The following TET2 variants were observed in gnomAD, a reference collection of about 807,000 sequenced individuals.
TET2 encodes methylcytosine dioxygenase TET2.
In TET2, 299 loss-of-function variants were observed where a neutral mutation model predicts 142.9. That is an observed-to-expected ratio of 2.09 (90% CI 1.90 to 2.30). The LOEUF (loss-of-function observed/expected upper bound fraction) is 2.30. Among genes scored for constraint, TET2 ranks in the 30% most tolerant of loss-of-function variants. The pLI, the probability that TET2 is intolerant of heterozygous loss-of-function variation, is 0.00. For missense variants in TET2, 2,418 were observed against 2,378.0 expected, an observed-to-expected ratio of 1.02 and a Z score of -0.35; for synonymous variants, 819 against 849.0, an observed-to-expected ratio of 0.96 and a Z score of 0.61.
At chr4:105,157,348 C>T (rs1412973693) in intron 1 of TET2, among the ~76,000 whole-genome samples, 1 of 151,974 alleles carries the variant, frequency 6.6e-6, no homozygotes, top group Non-Finnish European at 1.5e-5. Flanking sequence ...TATTTTAGTA[C>T]AAACAGATAC....
In TET2 at chr4:105,243,757, G is replaced by C. The variant is rs771761785; in HGVS notation, c.3782G>C (p.Arg1261Pro). 2.6e-6 allele frequency: 4 copies of C among 1,551,394 alleles called. No individual in the cohort carries two copies. Among genetic ancestry groups the C allele is most frequent in the Non-Finnish European group, 2.6e-6 (3 of 1,146,852 alleles). The change falls in exon 6 of 11, where the codon CGC becomes CCC. Residue 1261 changes from arginine (R) to proline (P), a missense_variant. Coordinates refer to ENST00000380013, the MANE Select transcript of TET2 (RefSeq NM_001127208.3). Reference sequence around the variant, plus strand: ...AGGAAATACGGCACGCTCACCAATCGCCGGTGTGCCTTGAATGAAGAGTAA... The same window carrying C: ...AGGAAATACGGCACGCTCACCAATCCCCGGTGTGCCTTGAATGAAGAGTAA... Reference protein sequence around the residue: ...TLRKYGTLTNRRCALNEERTC... With the variant: ...TLRKYGTLTNPRCALNEERTC...
In TET2 at chr4:105,234,802, A is replaced by G; in HGVS notation, c.860A>G (p.Lys287Arg). 6.2e-7 allele frequency: 1 copy of G among 1,613,916 alleles called. No individual in the cohort carries two copies. The highest frequency in any genetic ancestry group is 8.5e-7 in the Non-Finnish European group (1 of 1,179,942). Residue 287 changes from lysine (K) to arginine (R), a missense_variant, in exon 3 of 11, where the codon AAG becomes AGG. Transcript: ENST00000380013. ...AQTSNSELPP[K>R]PAAVVSEACD... ...ACCTCTAACTCTGAGCTGCCTCCAA[A>G]GCCAGCTGCAGTGGTGAGTGAGGCC...
intron 2 of TET2, among the ~76,000 whole-genome samples, chr4:105,227,066 G>A (rs187512611): frequency 1.3e-5 from 2 of 152,130 alleles, no homozygotes; most frequent in Non-Finnish European, 2.9e-5. Context: ...CAGTTCTCAA[G>A]AGCACATTGT....
intron 1 of TET2, among the ~76,000 whole-genome samples, chr4:105,155,484 A>G (rs1441858278): frequency 6.6e-6 from 1 of 152,278 alleles, no homozygotes; most frequent in Non-Finnish European, 1.5e-5. Flanking sequence ...AAATGAGTGC[A>G]GATTTTTAAC....
At chr4:105,203,745 T>G (rs1016576181) in intron 2 of TET2, among the ~76,000 whole-genome samples, 1 of 152,212 alleles carries the variant, frequency 6.6e-6, no homozygotes, top group Non-Finnish European at 1.5e-5. Context: ...GGGCCGTTAT[T>G]AACAACCTTG....
chr4:105,163,835 G>GT (rs1241374652), intron 1 of TET2, among the ~76,000 whole-genome samples: 18 of 142,056 alleles, frequency 1.3e-4, no homozygotes, highest in African/African-American at 4.6e-4. Flanking sequence ...GAGAGAGAGA[G>GT]AGAGAGAGAG....
At chr4:105,226,633 CCCTCCCTCTT>C (rs1005057695) in intron 2 of TET2, among the ~76,000 whole-genome samples, 66 of 151,472 alleles carry the variant, frequency 4.4e-4, no homozygotes, top group South Asian at 3.6e-3. Context: ...CTCTGTCCTT[CCCTCCCTCTT>C]CCTCCCTCTT....
Position 105,239,338 on chromosome 4 carries a change from A to G in TET2, c.3409+1987A>G, listed in dbSNP as rs59479204. The G allele has an allele frequency of 9.5e-3, 2,277 of 240,068 alleles. 50 individuals are homozygous for G. The highest frequency in any genetic ancestry group is 0.045 in the African/African-American group (2,026 of 45,044). The allele number at this position is 240,068 out of a possible 1,614,324, so 14.9% of individuals were successfully genotyped here. ...TGAAGCAAGGCATTGACTTCTATCT[A>G]TGAAAGTCTTAGATGGCACCTTGTT... On this transcript the variant is annotated intron_variant, in intron 3 of 10. Transcript: ENST00000380013.
chr4:105,273,377 T>G (rs912235599), intron 10 of TET2, among the ~76,000 whole-genome samples: 1 of 152,206 alleles, frequency 6.6e-6, no homozygotes, highest in Admixed American at 6.5e-5. Context: ...AGCAACTTTT[T>G]TTAACAGGTA....
At chr4:105,244,588 T>TG (rs1463928291) in intron 6 of TET2, among the ~76,000 whole-genome samples, 1 of 64,092 alleles carries the variant, frequency 1.6e-5, no homozygotes, top group Non-Finnish European at 4.1e-5. Context: ...ACAGAAATGT[T>TG]TTTTTTTTTT....
intron 1 of TET2, among the ~76,000 whole-genome samples, chr4:105,187,301 C>T (rs185527438): frequency 2.6e-5 from 4 of 152,230 alleles, no homozygotes; most frequent in African/African-American, 9.6e-5. Context: ...ACTCCTCTGC[C>T]TTCCTCAGTA....
At chr4:105,148,311 A>G (rs1010241431) in intron 1 of TET2, among the ~76,000 whole-genome samples, 3 of 152,184 alleles carry the variant, frequency 2.0e-5, no homozygotes, top group African/African-American at 7.2e-5. Context: ...AATGTTTAAG[A>G]ATTGAGAAAA....
chr4:105,275,894 A>G lies in TET2; in HGVS notation c.5384A>G (p.Asn1795Ser). The change falls in exon 11 of 11, where the codon AAT becomes AGT. Residue 1795 changes from asparagine to serine, a missense_variant. By Grantham distance (46) the Asn-to-Ser change is conservative (BLOSUM62 1). Transcript: ENST00000380013. ...AATGACATGCTTTCCCACACAGCTA[A>G]TGGGTTATCAAAGATGCTTCCAGCT... Reference protein sequence around the residue: ...KENDMLSHTANGLSKMLPALN... With the variant: ...KENDMLSHTASGLSKMLPALN... 1 of 1,552,048 alleles carries G rather than the reference A, an allele frequency of 6.4e-7. No homozygotes were observed. Among genetic ancestry groups the G allele is most frequent in the Non-Finnish European group, 8.7e-7 (1 of 1,147,036 alleles).
At chr4:105,190,581 AAACTTC>A (rs1254970662) in intron 2 of TET2, 76 bp downstream of exon 2, 45 of 672,910 alleles carry the variant, frequency 6.7e-5, no homozygotes, top group Middle Eastern at 2.6e-4. Context: ...TCTCTCTCCC[AAACTTC>A]AACTTCAAGT....
At position 105,155,001 on chromosome 4, in the gene TET2, G is replaced by A. The variant is rs1308324266; in HGVS notation, c.-193+8022G>A. Among the ~76,000 whole-genome samples, 4 of 151,928 alleles carry A rather than the reference G, an allele frequency of 2.6e-5. No homozygotes were observed. In the East Asian group the frequency reaches 7.7e-4, roughly 29 times the overall value. ...GTTGGTGCCCCCACACTTCAGCCTG[G>A]GTGACAAAATGAGACCCTCTCTCTC... On this transcript the variant is annotated intron_variant, in intron 1 of 10. Coordinates refer to ENST00000380013, the MANE Select transcript of TET2 (RefSeq NM_001127208.3).
chr4:105,253,822 A>G (rs950258266), intron 6 of TET2, among the ~76,000 whole-genome samples: 2 of 152,118 alleles, frequency 1.3e-5, no homozygotes, highest in Admixed American at 6.5e-5. Flanking sequence ...TATATTCTTT[A>G]TCAGGTTCAG....
chr4:105,194,407 C>T (rs1049085299), intron 2 of TET2, among the ~76,000 whole-genome samples: 1 of 152,082 alleles, frequency 6.6e-6, no homozygotes, highest in Non-Finnish European at 1.5e-5. Flanking sequence ...GATATTTCTA[C>T]TGTTGTACTA....
At chr4:105,177,371 A>C (rs1724860484) in intron 1 of TET2, among the ~76,000 whole-genome samples, 1 of 152,254 alleles carries the variant, frequency 6.6e-6, no homozygotes, top group Admixed American at 6.5e-5. Flanking sequence ...TATTTGCAAA[A>C]GATACTTCTC....
At chr4:105,244,586 GTTTTTTTT>G (rs566674796) in intron 6 of TET2, among the ~76,000 whole-genome samples, 9 of 66,730 alleles carry the variant, frequency 1.3e-4, no homozygotes, top group South Asian at 6.9e-4. Flanking sequence ...ACACAGAAAT[GTTTTTTTT>G]TTTTTTTTTT....
Sources: allele counts gnomAD v4.1 joint callset (sites outside exome capture counted in the v4.1 genomes callset), GRCh38; gene constraint gnomAD v4.1.1; transcripts MANE v1.5; gene names NCBI Gene and HGNC (gene_info 2026-07-23, HGNC 2026-07-21).